KIAA1217: variants seen among roughly 807,000 people sequenced by gnomAD.
KIAA1217 encodes KIAA1217.
Under a neutral mutation model 163.9 loss-of-function variants are expected in KIAA1217, and 88 were observed. The ratio of observed to expected loss-of-function variants is 0.54; its 90% CI spans 0.45 to 0.64. The LOEUF (loss-of-function observed/expected upper bound fraction) is 0.64. KIAA1217 is among the 30% of genes least tolerant of loss of function. The pLI, the probability that KIAA1217 is intolerant of heterozygous loss-of-function variation, is 0.00. For missense variants in KIAA1217, 2,372 were observed against 2,475.0 expected (o/e 0.96, Z 0.88); for synonymous variants, 903 against 923.1 (o/e 0.98, Z 0.39).
rs1564756634 is a variant in KIAA1217 at position 24,148,475 on chromosome 10, G to T, written c.-170-71151G>T. On this transcript the variant is annotated intron_variant, in intron 2 of 18. Coordinates refer to the KIAA1217 transcript ENST00000376462. ...GGTGGGGCCTGGTGGGAGGTGACTG[G>T]GTCATGGGAGTGGATCCCTCATGAA... Among the ~76,000 whole-genome samples, 4 of 152,134 alleles carry T rather than the reference G, an allele frequency of 2.6e-5. No individual in the cohort carries two copies. The South Asian group carries it at 8.3e-4, about 32-fold the overall frequency.
rs563781062 is a variant in KIAA1217 at position 24,191,649 on chromosome 10, C to T, written c.-170-27977C>T. Among the ~76,000 whole-genome samples the T allele has an allele frequency of 2.7e-3, 409 of 152,248 alleles. 2 individuals carry two copies. Among genetic ancestry groups the T allele is most frequent in the Admixed American group, 4.3e-3 (66 of 15,296 alleles). ...TTGCAAAAGCAACCCAGAATAGGAT[C>T]AAGCCTGGAGGCAGTGAAACTGTAG... is the stretch of plus-strand genomic sequence containing the variant. On this transcript the variant is annotated intron_variant, in intron 2 of 18. Transcript: ENST00000376462.
At chr10:24,476,676 G>A (rs1473501890) in intron 6 of KIAA1217, among the ~76,000 whole-genome samples, 3 of 152,052 alleles carry the variant, frequency 2.0e-5, no homozygotes, top group Non-Finnish European at 4.4e-5. Context: ...AAATAGCACA[G>A]GAAAAATTTT....
At chr10:23,839,147 A>G (rs1426956572) in intron 1 of KIAA1217, among the ~76,000 whole-genome samples, 1 of 152,030 alleles carries the variant, frequency 6.6e-6, no homozygotes, top group African/African-American at 2.4e-5. Flanking sequence ...TTCTTCTCCT[A>G]TCTTCTTATT....
intron 2 of KIAA1217, among the ~76,000 whole-genome samples, chr10:24,363,575 T>G (rs202008190): frequency 6.6e-6 from 1 of 151,202 alleles, no homozygotes; most frequent in African/African-American, 2.4e-5. Flanking sequence ...TTGTTTTTTT[T>G]TTTTTTTGAA....
chr10:23,908,269 A>G (rs11814103), intron 1 of KIAA1217, among the ~76,000 whole-genome samples: 2,233 of 150,928 alleles, frequency 0.015, 59 homozygotes, highest in African/African-American at 0.049. Flanking sequence ...GGAAGAGTCT[A>G]TGGATGTATT....
At chr10:24,283,122 C>T (rs930118952) in intron 2 of KIAA1217, among the ~76,000 whole-genome samples, 1 of 151,586 alleles carries the variant, frequency 6.6e-6, no homozygotes, top group African/African-American at 2.4e-5. Flanking sequence ...CATGAGCCAC[C>T]GCAACCAGCC....
At chr10:24,513,086 G>A (rs1359488135) in intron 9 of KIAA1217, among the ~76,000 whole-genome samples, 173 bp from the exon 10 acceptor site, 2 of 152,232 alleles carry the variant, frequency 1.3e-5, no homozygotes, top group South Asian at 2.1e-4. Flanking sequence ...TCAGATGTTG[G>A]TGGAAGAAGC....
At chr10:24,415,422 A>C (rs558215945) in intron 3 of KIAA1217, among the ~76,000 whole-genome samples, 23 of 151,842 alleles carry the variant, frequency 1.5e-4, no homozygotes, top group African/African-American at 5.1e-4. Flanking sequence ...GCCACTTGAT[A>C]TCTTGTTACC....
At chr10:24,029,321 C>G (rs1413511011) in intron 2 of KIAA1217, among the ~76,000 whole-genome samples, 3 of 152,064 alleles carry the variant, frequency 2.0e-5, no homozygotes, top group Non-Finnish European at 4.4e-5. Flanking sequence ...ATCTTCATTG[C>G]CTTGTTTTGT....
Position 24,542,683 on chromosome 10 carries a change from A to G in KIAA1217, c.3535-10A>G, listed in dbSNP as rs1419343129. The G allele has an allele frequency of 1.9e-6, 3 of 1,613,180 alleles. No individual in the cohort carries two copies. Among genetic ancestry groups the G allele is most frequent in the East Asian group, 2.2e-5 (1 of 44,880 alleles). ...TTTGTGGAGTAACATGTCCTACACT[A>G]TTCTACCAGAATTTGGAATTTTTCC... is the stretch of plus-strand genomic sequence containing the variant. On this transcript the variant is annotated splice_polypyrimidine_tract_variant and intron_variant, in intron 17 of 20. Coordinates refer to ENST00000376454, the MANE Select transcript of KIAA1217 (RefSeq NM_019590.5).
Position 24,256,707 on chromosome 10 carries a change from T to C in KIAA1217, c.354+36798T>C, listed in dbSNP as rs190026568. Reference sequence around the variant, plus strand: ...TTTGCTTTGTGTGTGTGTGTGTCTGTCTGCTTTGCCTTATTTTGGTTCTGA... The same window carrying C: ...TTTGCTTTGTGTGTGTGTGTGTCTGCCTGCTTTGCCTTATTTTGGTTCTGA... On this transcript the variant is annotated intron_variant, in intron 2 of 20. Transcript: ENST00000376454. 1.2e-4 allele frequency among the ~76,000 whole-genome samples: 18 copies of C among 152,364 alleles called. 2 individuals carry two copies. Among genetic ancestry groups the C allele is most frequent in the African/African-American group, 4.1e-4 (17 of 41,600 alleles).
intron 1 of KIAA1217, among the ~76,000 whole-genome samples, chr10:23,697,245 A>G (rs1836107001): frequency 6.6e-6 from 1 of 152,238 alleles, no homozygotes; most frequent in Admixed American, 6.5e-5. Flanking sequence ...AGTGAGGCAG[A>G]TGGGTGAAAA....
chr10:23,729,206 A>G (rs1170449501), intron 1 of KIAA1217, among the ~76,000 whole-genome samples: 1 of 152,176 alleles, frequency 6.6e-6, no homozygotes, highest in Admixed American at 6.5e-5. Flanking sequence ...CTACTGAAGG[A>G]CATCTGGTTG....
chr10:23,736,769 T>C (rs905444984), intron 1 of KIAA1217, among the ~76,000 whole-genome samples: 2 of 152,290 alleles, frequency 1.3e-5, no homozygotes, highest in South Asian at 4.1e-4. Context: ...CAAGCAATCC[T>C]TCTGCCTCAG....
chr10:24,465,265 C>A (rs2062822945), intron 5 of KIAA1217, among the ~76,000 whole-genome samples: 1 of 152,238 alleles, frequency 6.6e-6, no homozygotes, highest in Admixed American at 6.5e-5. Flanking sequence ...TCTGTTACAA[C>A]CACTTCATCC....
chr10:23,784,857 C>A (rs1835418885), intron 1 of KIAA1217, among the ~76,000 whole-genome samples: 1 of 151,930 alleles, frequency 6.6e-6, no homozygotes, highest in Admixed American at 6.6e-5. Context: ...TTTTAAAACC[C>A]AGTTTCTTAA....
chr10:24,384,606 G>A (rs1359982684), intron 3 of KIAA1217, among the ~76,000 whole-genome samples: 3 of 152,140 alleles, frequency 2.0e-5, no homozygotes, highest in East Asian at 1.9e-4. Flanking sequence ...GAACGATCTC[G>A]GCTCACCGCA....
At chr10:24,466,679 G>A in intron 5 of KIAA1217, 3 of 985,422 alleles carry the variant, frequency 3.0e-6, no homozygotes, top group Non-Finnish European at 3.6e-6. Context: ...ATATTCAAGT[G>A]TGCAACCAAG....
chr10:23,784,729 T>C (rs1835413930), intron 1 of KIAA1217, among the ~76,000 whole-genome samples: 1 of 152,210 alleles, frequency 6.6e-6, no homozygotes, highest in African/African-American at 2.4e-5. Flanking sequence ...ATATAAAAAC[T>C]CTACACTTTT....
Sources: allele counts gnomAD v4.1 joint callset (sites outside exome capture counted in the v4.1 genomes callset), GRCh38; gene constraint gnomAD v4.1.1; transcripts MANE v1.5; gene names NCBI Gene and HGNC (gene_info 2026-07-23, HGNC 2026-07-21).